The following WDR75 variants were observed in gnomAD, a reference collection of about 807,000 sequenced individuals.
WDR75 encodes WD repeat domain 75, also known as WD repeat-containing protein 75.
Under a neutral mutation model 106.1 loss-of-function variants are expected in WDR75, and 52 were observed. The ratio of observed to expected loss-of-function variants is 0.49; its 90% CI spans 0.39 to 0.62. WDR75 has a LOEUF of 0.62. WDR75 is among the 20% of genes least tolerant of loss of function. WDR75 has a pLI of 0.00. For missense variants in WDR75, 905 were observed against 970.3 expected (o/e 0.93, Z 0.89); for synonymous variants, 333 against 335.5 (o/e 0.99, Z 0.08).
intron 2 of WDR75, chr2:189,450,332 T>C (rs1686590031): frequency 2.0e-6 from 2 of 981,146 alleles, no homozygotes; most frequent in Non-Finnish European, 2.4e-6. Context: ...AACAAGCTCT[T>C]GTGTGGGTGT....
intron 18 of WDR75, among the ~76,000 whole-genome samples, chr2:189,472,826 T>C (rs1158627442): frequency 6.6e-6 from 1 of 152,218 alleles, no homozygotes; most frequent in African/African-American, 2.4e-5. Flanking sequence ...TTCCCAAAAC[T>C]TAACCTGAAG....
intron 1 of WDR75, among the ~76,000 whole-genome samples, chr2:189,442,442 CTTTTTTTTTTTTT>C (rs1188214718): frequency 2.7e-5 from 2 of 73,900 alleles, no homozygotes; most frequent in African/African-American, 5.5e-5. Context: ...CCACAATATT[CTTTTTTTTTTTTT>C]TTTTTTTTTT....
At chr2:189,451,604 C>G (rs1480544800) in intron 3 of WDR75, among the ~76,000 whole-genome samples, 1 of 152,138 alleles carries the variant, frequency 6.6e-6, no homozygotes, top group East Asian at 1.9e-4. Context: ...ACATTCAGTA[C>G]AATACCATTT....
Position 189,467,572 on chromosome 2 carries a change from G to C in WDR75, c.1552G>C (p.Glu518Gln). Reference sequence around the variant, plus strand: ...TGGTTCTTTACTAGCAGTTAGTTTTGAGGAAATAGTCACAATATGGGATTC... The same window carrying C: ...TGGTTCTTTACTAGCAGTTAGTTTTCAGGAAATAGTCACAATATGGGATTC... ...EDGSLLAVSF[E>Q]EIVTIWDSVT... is the part of the protein sequence containing the mutation. The change falls in exon 14 of 21, where the codon GAG (glutamate) becomes CAG (glutamine). Residue 518 changes from glutamate to glutamine, a missense_variant. Coordinates refer to ENST00000314761, the MANE Select transcript of WDR75 (RefSeq NM_032168.3). The C allele has an allele frequency of 6.2e-7, 1 of 1,611,534 alleles. No homozygotes were observed. Among genetic ancestry groups the C allele is most frequent in the Non-Finnish European group, 8.5e-7 (1 of 1,178,690 alleles).
chr2:189,457,261 AAG>A, intron 5 of WDR75, 48 bp from the exon 6 acceptor site: 2 of 1,310,116 alleles, frequency 1.5e-6, no homozygotes, highest in Non-Finnish European at 2.2e-6. Flanking sequence ...AGAAAAAAAA[AAG>A]AGTGTTGACT....
At chr2:189,446,703 A>T (rs1370254239) in intron 1 of WDR75, among the ~76,000 whole-genome samples, 1 of 152,218 alleles carries the variant, frequency 6.6e-6, no homozygotes, top group Non-Finnish European at 1.5e-5. Context: ...CCCTCAGTGG[A>T]TGCCTAGAAC....
chr2:189,450,692 A>T, intron 2 of WDR75: 2 of 1,361,466 alleles, frequency 1.5e-6, no homozygotes, highest in Non-Finnish European at 1.9e-6. Flanking sequence ...TCTCTCTTTT[A>T]GTTAAAACTT....
At chr2:189,462,815 C>T (rs1244872277) in intron 9 of WDR75, among the ~76,000 whole-genome samples, 173 bp downstream of exon 9, 4 of 152,112 alleles carry the variant, frequency 2.6e-5, no homozygotes, top group African/African-American at 9.7e-5. Context: ...CCCTAGGCAC[C>T]ACCAGAATTC....
rs758119299 is a variant in WDR75, at chr2:189,465,222, G to A, written c.1257G>A (p.Met419Ile). 2 of 1,612,874 alleles carry A rather than the reference G, an allele frequency of 1.2e-6. No homozygotes were observed. The highest frequency in any genetic ancestry group is 2.2e-5 in the East Asian group (1 of 44,840). The change falls in exon 12 of 21, where the codon ATG (methionine) becomes ATA (isoleucine). Residue 419 changes from methionine to isoleucine, a missense_variant. Coordinates refer to ENST00000314761, the MANE Select transcript of WDR75 (RefSeq NM_032168.3). The part of the protein sequence containing the change: ...QEKETELELQ[M>I]KLWMYNKKTQ... ...AGGAAACTGAGCTTGAATTGCAAAT[G>A]AAACTGTGGATGTATAATAAGAAAA...
rs754079732 is a variant in WDR75 at position 189,475,389 on chromosome 2, T to C, written c.2465T>C (p.Ile822Thr). The change falls in exon 21 of 21, where the codon ATA (isoleucine) becomes ACA (threonine). Residue 822 changes from isoleucine (I) to threonine (T), a missense_variant. Transcript: ENST00000314761. ...EEKELRKFRK[I>T]DYSWIAAL ...AAAGAACTGAGAAAATTTAGGAAAA[T>C]AGACTACAGCTGGATAGCTGCCCTT... 1.2e-6 allele frequency: 2 copies of C among 1,611,424 alleles called. No individual in the cohort carries two copies. Among genetic ancestry groups the C allele is most frequent in the Non-Finnish European group, 8.5e-7 (1 of 1,178,860 alleles).
chr2:189,453,450 A>G (rs555483639), intron 4 of WDR75, among the ~76,000 whole-genome samples: 6 of 152,270 alleles, frequency 3.9e-5, no homozygotes, highest in African/African-American at 1.4e-4. Context: ...TTTACCCATG[A>G]TTCTAAACAC....
rs187918469 is a variant in WDR75, at chr2:189,456,712, A to G, written c.499-599A>G. On this transcript the variant is annotated intron_variant, in intron 5 of 20. Transcript: ENST00000314761. The stretch of plus-strand genomic sequence containing the variant: ...TGTGGCAGTGGTTATATAGATGTAC[A>G]TGTATATCAAACATTGCATTTTAGT... Among the ~76,000 whole-genome samples, 5 of 152,294 alleles carry G rather than the reference A, an allele frequency of 3.3e-5. No homozygotes were observed. In the East Asian group the frequency reaches 7.7e-4, roughly 24 times the overall value.
At chr2:189,460,241 C>G (rs907957824) in intron 8 of WDR75, among the ~76,000 whole-genome samples, 4 of 152,134 alleles carry the variant, frequency 2.6e-5, no homozygotes, top group Non-Finnish European at 5.9e-5. Flanking sequence ...TTTCTTTCTG[C>G]AGGTCTTCCT....
intron 15 of WDR75, 75 bp downstream of exon 15, chr2:189,468,644 C>G: frequency 2.1e-6 from 3 of 1,439,452 alleles, no homozygotes; most frequent in Non-Finnish European, 2.9e-6. Context: ...CATTTTAGGA[C>G]TTAGGGATCA....
In WDR75 at chr2:189,467,533, T is replaced by G; in HGVS notation, c.1513T>G (p.Cys505Gly). ...TCACAAGTATCAAGCAACTAACTGTTGTTTCTCCGAAGATGGTTCTTTACT... is the reference window on the plus strand; with the variant it reads ...TCACAAGTATCAAGCAACTAACTGTGGTTTCTCCGAAGATGGTTCTTTACT... ...SYHKYQATNC[C>G]FSEDGSLLAV... The change falls in exon 14 of 21, where the codon TGT (cysteine) becomes GGT (glycine). Residue 505 changes from cysteine to glycine, a missense_variant. Transcript: ENST00000314761. 1.9e-6 allele frequency: 3 copies of G among 1,611,662 alleles called. No individual in the cohort carries two copies. Among genetic ancestry groups the G allele is most frequent in the Non-Finnish European group, 2.5e-6 (3 of 1,178,708 alleles).
At chr2:189,465,666 A>G (rs903520248) in intron 12 of WDR75, among the ~76,000 whole-genome samples, 1 of 152,162 alleles carries the variant, frequency 6.6e-6, no homozygotes, top group Non-Finnish European at 1.5e-5. Context: ...TACTGTGGCT[A>G]TAATAACCAC....
Position 189,469,448 on chromosome 2 carries a change from A to G in WDR75, c.1819+9A>G. 6.3e-7 allele frequency: 1 copy of G among 1,594,516 alleles called. No homozygotes were observed. Among genetic ancestry groups the G allele is most frequent in the Non-Finnish European group, 8.6e-7 (1 of 1,162,680 alleles). ...TTCAGTGGGTTCAGACTGTAAGTAC[A>G]AACCACACTTTGTAGTAAGAGAACA... On this transcript the variant is annotated intron_variant, in intron 16 of 20. Transcript: ENST00000314761.
rs769528595 is a variant in WDR75, at chr2:189,441,526, T to C, written c.34T>C (p.Cys12Arg). 5.1e-6 allele frequency: 8 copies of C among 1,565,938 alleles called. No homozygotes were observed. The Admixed American group carries it at 5.6e-5, about 11-fold the overall frequency. ...GGAGGAGAACATCCGCGTGGTTCGT[T>C]GTGGCGGCAGCGAGTTGAACTTTAG... ...VEEENIRVVR[C>R]GGSELNFRRA... Residue 12 changes from cysteine (C) to arginine (R), a missense_variant, in exon 1 of 21, where the codon TGT becomes CGT. Physicochemically the swap from Cys to Arg is radical, Grantham distance 180. Transcript: ENST00000314761.
intron 5 of WDR75, 116 bp from the exon 6 acceptor site, chr2:189,457,195 C>T (rs1326541191): frequency 7.5e-6 from 5 of 668,224 alleles, no homozygotes; most frequent in African/African-American, 3.7e-5. Context: ...GAGCCGAGAT[C>T]GCACCATCAC....
Sources: gnomAD v4.1 joint callset for allele counts (sites outside exome capture counted in the v4.1 genomes callset) on GRCh38, gnomAD v4.1.1 for gene constraint, MANE v1.5 for transcripts, NCBI Gene and HGNC (gene_info 2026-07-23, HGNC 2026-07-21) for gene names.